Variants in METTL9 observed in about 807,000 individuals in gnomAD.
The protein encoded by METTL9 is protein-L-histidine N-pros-methyltransferase.
In METTL9, 10 loss-of-function variants were observed where a neutral mutation model predicts 36.0. That is an observed-to-expected ratio of 0.28 (90% CI 0.17 to 0.47). The LOEUF is 0.47. METTL9 is among the 20% of genes least tolerant of loss of function. METTL9 has a pLI of 0.99. For missense variants in METTL9, 246 were observed against 383.5 expected, an observed-to-expected ratio of 0.64 and a Z score of 3.00; for synonymous variants, 175 against 149.7, an observed-to-expected ratio of 1.17 and a Z score of -1.23.
intron 1 of METTL9, among the ~76,000 whole-genome samples, chr16:21,605,990 C>A (rs902467439): frequency 1.3e-5 from 2 of 152,078 alleles, no homozygotes; most frequent in African/African-American, 2.4e-5. Flanking sequence ...CACAACTCTA[C>A]CTTCACCCTA....
intron 1 of METTL9, among the ~76,000 whole-genome samples, chr16:21,607,954 G>T (rs1028215187): frequency 1.3e-5 from 2 of 152,164 alleles, no homozygotes; most frequent in Non-Finnish European, 2.9e-5. Flanking sequence ...ATCAAGACCA[G>T]CCTGGCCAAC....
At chr16:21,653,631 T>A (rs1000909482) in intron 4 of METTL9, 1 of 152,380 alleles carries the variant, frequency 6.6e-6, no homozygotes, top group African/African-American at 2.4e-5. Context: ...CTGAAGAGGA[T>A]GCTACTGCCA....
At chr16:21,644,243 A>G (rs1966358945) in intron 4 of METTL9, 4 of 1,274,998 alleles carry the variant, frequency 3.1e-6, no homozygotes, top group Non-Finnish European at 4.6e-6. Context: ...TTCTTTTGAT[A>G]ATATTCAAGG....
chr16:21,651,528 C>T (rs1029488045), intron 4 of METTL9, among the ~76,000 whole-genome samples: 2 of 152,014 alleles, frequency 1.3e-5, no homozygotes, highest in African/African-American at 4.8e-5. Flanking sequence ...TCTTGAACTC[C>T]TGAGCTCAAG....
At chr16:21,652,582 C>G (rs1269295872) in intron 4 of METTL9, 1 of 1,610,428 alleles carries the variant, frequency 6.2e-7, no homozygotes, top group East Asian at 2.2e-5. Context: ...GATGTTGCTT[C>G]TGCTCGCAGT....
At chr16:21,629,189 A>G (rs939271448) in intron 4 of METTL9, among the ~76,000 whole-genome samples, 1 of 151,994 alleles carries the variant, frequency 6.6e-6, no homozygotes, top group East Asian at 1.9e-4. Flanking sequence ...AAGTTGTGTT[A>G]TAGACTGCGT....
Position 21,625,092 on chromosome 16 carries a change from C to T in METTL9, c.728C>T (p.Pro243Leu). The T allele has an allele frequency of 1.9e-6, 3 of 1,614,098 alleles. No homozygotes were observed. The highest frequency in any genetic ancestry group is 2.5e-6 in the Non-Finnish European group (3 of 1,180,010). The change falls in exon 4 of 5, where the codon CCC becomes CTC. Residue 243 changes from proline (P) to leucine (L), a missense_variant. Pro to Leu is a moderately conservative substitution (Grantham distance 98). Coordinates refer to ENST00000358154, the MANE Select transcript of METTL9 (RefSeq NM_016025.5). ...AGGGTCATCCTTGCCCTTGTCCTCC[C>T]CTTTCATCCCTATGTGGAAAACGGT... ...RGRVILALVL[P>L]FHPYVENVGG...
At chr16:21,641,113 C>T (rs1010620033) in intron 4 of METTL9, 2 of 154,296 alleles carry the variant, frequency 1.3e-5, no homozygotes, top group African/African-American at 4.8e-5. Context: ...ATGAATGTCT[C>T]TAACTCAAAT....
chr16:21,635,578 T>G (rs1966071207), intron 4 of METTL9, among the ~76,000 whole-genome samples: 1 of 152,146 alleles, frequency 6.6e-6, no homozygotes, highest in African/African-American at 2.4e-5. Flanking sequence ...TGCAGGATAG[T>G]ATTGTAATTT....
At chr16:21,651,427 TG>T (rs1258703799) in intron 4 of METTL9, among the ~76,000 whole-genome samples, 1 of 151,990 alleles carries the variant, frequency 6.6e-6, no homozygotes, top group Non-Finnish European at 1.5e-5. Context: ...CCCAGGTGGG[TG>T]GGACTGCAGG....
rs1235914578 is a variant in METTL9, at chr16:21,656,656, C to T, written c.*1224C>T. On this transcript the variant is annotated 3_prime_UTR_variant, in exon 5 of 5. Coordinates refer to ENST00000358154, the MANE Select transcript of METTL9 (RefSeq NM_016025.5). The stretch of plus-strand genomic sequence containing the variant: ...TTGTGGTTATTAACAATATGTTATC[C>T]TCACTACTTTATTTCTTTTTTCATC... 6.6e-6 allele frequency: 1 copy of T among 152,118 alleles called. No individual in the cohort carries two copies. 9.4% of individuals were successfully genotyped at this position (152,118 alleles called of 1,614,324 possible).
chr16:21,609,643 C>T (rs557685278), intron 1 of METTL9, among the ~76,000 whole-genome samples: 5 of 151,760 alleles, frequency 3.3e-5, no homozygotes, highest in East Asian at 1.9e-4. Flanking sequence ...GAGACAGCCA[C>T]GGGAAAGGGG....
chr16:21,632,039 T>C (rs1965976307), intron 4 of METTL9, among the ~76,000 whole-genome samples: 1 of 152,152 alleles, frequency 6.6e-6, no homozygotes. Flanking sequence ...CTGCTGGTTT[T>C]TCCCTGCCTC....
At chr16:21,639,460 T>A (rs912785383) in intron 4 of METTL9, 1 of 152,192 alleles carries the variant, frequency 6.6e-6, no homozygotes, top group African/African-American at 2.4e-5. Context: ...GTGCTTGCCC[T>A]TTTTTGCAGT....
chr16:21,643,283 T>C (rs1424101837), intron 4 of METTL9: 1 of 690,210 alleles, frequency 1.4e-6, no homozygotes, highest in Non-Finnish European at 2.5e-6. Context: ...AACACATATG[T>C]GCCTACAGTT....
intron 2 of METTL9, among the ~76,000 whole-genome samples, chr16:21,615,805 G>C (rs1163219981): frequency 6.6e-6 from 1 of 152,130 alleles, no homozygotes; most frequent in Non-Finnish European, 1.5e-5. Context: ...GTTAAATTTT[G>C]TACAGCTACT....
At chr16:21,647,185 C>T in intron 4 of METTL9, 3 of 1,614,180 alleles carry the variant, frequency 1.9e-6, no homozygotes, top group East Asian at 4.5e-5. Context: ...TCGCTTCCGG[C>T]ACACTGGGGA....
chr16:21,645,190 T>C (rs1356666474), intron 4 of METTL9, among the ~76,000 whole-genome samples: 1 of 152,204 alleles, frequency 6.6e-6, no homozygotes, highest in Non-Finnish European at 1.5e-5. Flanking sequence ...TGATGGCTCA[T>C]GCCTGTAATC....
chr16:21,619,739 A>AG lies in METTL9; in HGVS notation c.566+1666dup, dbSNP rs1266612766. On this transcript the variant is annotated intron_variant, in intron 3 of 4. Coordinates refer to ENST00000358154, the MANE Select transcript of METTL9 (RefSeq NM_016025.5). ...GCGTGAGCCACTGCACCCGGCTGGAAGAAGGGTATTCTTATTTCAGTATGA... is the reference window on the plus strand; with the variant it reads ...GCGTGAGCCACTGCACCCGGCTGGAAGGAAGGGTATTCTTATTTCAGTATGA... Among the ~76,000 whole-genome samples the AG allele has an allele frequency of 4.6e-5, 7 of 152,168 alleles. No homozygotes were observed. The South Asian group carries it at 1.2e-3, about 27-fold the overall frequency.
Sources: gnomAD v4.1 joint callset for allele counts (sites outside exome capture counted in the v4.1 genomes callset) on GRCh38, gnomAD v4.1.1 for gene constraint, MANE v1.5 for transcripts, NCBI Gene and HGNC (gene_info 2026-07-23, HGNC 2026-07-21) for gene names.